SAP130: variants seen among roughly 807,000 people sequenced by gnomAD.
SAP130 encodes Sin3A associated protein 130.
Under a neutral mutation model 103.2 loss-of-function variants are expected in SAP130, and 16 were observed. The observed-to-expected ratio is 0.16, with a 90% CI of 0.10 to 0.24. The LOEUF (loss-of-function observed/expected upper bound fraction) is 0.24. SAP130 is among the 10% of genes least tolerant of loss of function. The pLI is 1.00. For missense variants in SAP130, 990 were observed against 1,359.7 expected, an observed-to-expected ratio of 0.73 and a Z score of 4.28; for synonymous variants, 477 against 497.0, an observed-to-expected ratio of 0.96 and a Z score of 0.53.
Position 127,955,233 on chromosome 2 carries a change from A to G in SAP130, c.2175T>C (p.Thr725=), listed in dbSNP as rs1679754766. 8 of 1,614,078 alleles carry G rather than the reference A, an allele frequency of 5.0e-6. No individual in the cohort carries two copies. Among genetic ancestry groups the G allele is most frequent in the Non-Finnish European group, 6.8e-6 (8 of 1,179,996 alleles). Residue 725 remains threonine (T), a synonymous_variant, in exon 16 of 21, where the codon ACT becomes ACC. Transcript: ENST00000643581. This position sits in a 1 kb window ranked among gnomAD's most constrained non-coding sequence, Gnocchi z 4.9. ...NDQPTIAVPP[T]AQQPPPTIPT... is the part of the protein sequence containing the mutation. The stretch of plus-strand genomic sequence containing the variant: ...GAATGGTCGGTGGGGGCTGCTGGGC[A>G]GTTGGAGGGACGGCAATGGTAGGCT...
intron 2 of SAP130, among the ~76,000 whole-genome samples, chr2:128,019,331 G>A (rs1188001628): frequency 6.6e-6 from 1 of 152,140 alleles, no homozygotes; most frequent in East Asian, 1.9e-4. Flanking sequence ...CGAAGTCACA[G>A]GATATCAGCT....
intron 16 of SAP130, among the ~76,000 whole-genome samples, chr2:127,951,950 T>C (rs1679523045): frequency 6.6e-6 from 1 of 152,200 alleles, no homozygotes; most frequent in East Asian, 1.9e-4. Flanking sequence ...CCCACCACCT[T>C]ATCTCCCCAT....
intron 15 of SAP130, among the ~76,000 whole-genome samples, chr2:127,966,133 G>C (rs1173560327): frequency 6.6e-6 from 1 of 150,596 alleles, no homozygotes; most frequent in Non-Finnish European, 1.5e-5. Context: ...ACAAGGTCAG[G>C]AGTTCAAGAC....
At position 127,989,046 on chromosome 2, in the gene SAP130, G is replaced by A. The variant is rs142538837; in HGVS notation, c.1780+518C>T. ...CCCACAACTAGGAGCTTTTAAAAAA[G>A]ATAACACTTCTCATTATGTTCAAAT... On this transcript the variant is annotated intron_variant, in intron 13 of 20. Transcript: ENST00000643581. The surrounding 1 kb of genome is among the most constrained non-coding windows in gnomAD (Gnocchi z 4.6). 1.3e-5 allele frequency among the ~76,000 whole-genome samples: 2 copies of A among 151,682 alleles called. No individual in the cohort carries two copies. Among genetic ancestry groups the A allele is most frequent in the South Asian group, 2.1e-4 (1 of 4,794 alleles).
At chr2:127,944,504 A>G (rs1678931780) in intron 19 of SAP130, among the ~76,000 whole-genome samples, 1 of 151,312 alleles carries the variant, frequency 6.6e-6, no homozygotes, top group Non-Finnish European at 1.5e-5. Context: ...ATCTCTGCTC[A>G]CTGCAACCTC....
intron 19 of SAP130, among the ~76,000 whole-genome samples, chr2:127,944,285 C>T (rs1159882099): frequency 6.6e-6 from 1 of 152,050 alleles, no homozygotes; most frequent in Non-Finnish European, 1.5e-5. Context: ...ATCCTCTTGC[C>T]CCAGCCTTCC....
intron 7 of SAP130, among the ~76,000 whole-genome samples, chr2:128,000,876 G>C (rs1350900794): frequency 6.6e-6 from 1 of 152,010 alleles, no homozygotes. Context: ...CTCCAGCCTG[G>C]GGGACAGAGT....
At chr2:128,018,151 C>G (rs1684904027) in intron 2 of SAP130, among the ~76,000 whole-genome samples, 1 of 152,048 alleles carries the variant, frequency 6.6e-6, no homozygotes, top group South Asian at 2.1e-4. Context: ...TATGAACAAA[C>G]TACCTGAAAA....
chr2:127,981,563 ACT>A (rs1400414415), intron 14 of SAP130, among the ~76,000 whole-genome samples: 1 of 48,634 alleles, frequency 2.1e-5, no homozygotes, highest in Non-Finnish European at 3.7e-5. Context: ...TGCACCCCTG[ACT>A]CAGCTCCCCC....
intron 15 of SAP130, among the ~76,000 whole-genome samples, chr2:127,967,292 G>T (rs983227931): frequency 8.5e-5 from 13 of 152,208 alleles, no homozygotes; most frequent in Admixed American, 7.9e-4. Context: ...AAAAGAAACA[G>T]CAATTATAAA....
chr2:127,952,375 C>G (rs994773080), intron 16 of SAP130, among the ~76,000 whole-genome samples: 3 of 150,676 alleles, frequency 2.0e-5, no homozygotes, highest in Non-Finnish European at 4.4e-5. Flanking sequence ...TGCTTGAAAC[C>G]AGAAGGCAGA....
At position 127,989,260 on chromosome 2, in the gene SAP130, G is replaced by A. The variant is rs1399891070; in HGVS notation, c.1780+304C>T. 6.6e-6 allele frequency among the ~76,000 whole-genome samples: 1 copy of A among 151,732 alleles called. No homozygotes were observed. Among genetic ancestry groups the A allele is most frequent in the African/African-American group, 2.4e-5 (1 of 41,292 alleles). On this transcript the variant is annotated intron_variant, in intron 13 of 20. Coordinates refer to ENST00000643581, the MANE Select transcript of SAP130 (RefSeq NM_001330301.2). This position sits in a 1 kb window ranked among gnomAD's most constrained non-coding sequence, Gnocchi z 4.6. ...ACTACAGGCCCCCGCCACCACGCCTGGCTAATTTTTTTGTATTTTTAGTAG... is the reference window on the plus strand; with the variant it reads ...ACTACAGGCCCCCGCCACCACGCCTAGCTAATTTTTTTGTATTTTTAGTAG...
chr2:128,025,003 C>CAAAAAAA (rs35797540), intron 2 of SAP130, among the ~76,000 whole-genome samples: 1 of 100,232 alleles, frequency 1.0e-5, no homozygotes, highest in Non-Finnish European at 2.1e-5. Flanking sequence ...CCCTATTGCG[C>CAAAAAAA]AAAAAAAAAA....
rs190512253 is a variant in SAP130 at position 128,003,174 on chromosome 2, A to G, written c.870-2720T>C. Among the ~76,000 whole-genome samples, 690 of 151,756 alleles carry G rather than the reference A, an allele frequency of 4.5e-3. 6 individuals are homozygous for G. Among genetic ancestry groups the G allele is most frequent in the African/African-American group, 0.016 (648 of 41,484 alleles). The stretch of plus-strand genomic sequence containing the variant: ...AGCAAAAAGGGGTTCTCACTAGCCC[A>G]ATTTGGGGCACTGGGAGCAAAAGAA... On this transcript the variant is annotated intron_variant, in intron 7 of 20. Transcript: ENST00000643581.
intron 15 of SAP130, among the ~76,000 whole-genome samples, chr2:127,976,650 G>A (rs1301075416): frequency 6.6e-6 from 1 of 152,228 alleles, no homozygotes; most frequent in Non-Finnish European, 1.5e-5. Flanking sequence ...GGTGGCTCAC[G>A]CCTGTAATCC....
intron 14 of SAP130, among the ~76,000 whole-genome samples, chr2:127,980,854 G>A (rs957530367): frequency 1.3e-5 from 2 of 151,566 alleles, no homozygotes; most frequent in South Asian, 2.1e-4. Flanking sequence ...CTGTGATCGC[G>A]CCACCACAGT....
At chr2:127,965,218 A>T (rs1274300005) in intron 15 of SAP130, among the ~76,000 whole-genome samples, 18 of 151,636 alleles carry the variant, frequency 1.2e-4, no homozygotes, top group Non-Finnish European at 4.4e-5. Flanking sequence ...AATCGCTTGA[A>T]CCTGGGAGGC....
At chr2:128,010,670 G>GAA (rs897337304) in intron 6 of SAP130, among the ~76,000 whole-genome samples, 4 of 152,062 alleles carry the variant, frequency 2.6e-5, no homozygotes, top group Admixed American at 2.6e-4. Flanking sequence ...AGACCAGCCT[G>GAA]GCTAACACAG....
At chr2:128,023,607 G>A (rs980103505) in intron 2 of SAP130, among the ~76,000 whole-genome samples, 2 of 152,002 alleles carry the variant, frequency 1.3e-5, no homozygotes, top group South Asian at 2.1e-4. Flanking sequence ...GTGAAACACC[G>A]TCTCTACTAA....
Sources: allele counts gnomAD v4.1 joint callset (sites outside exome capture counted in the v4.1 genomes callset), GRCh38; gene constraint gnomAD v4.1.1; non-coding constraint Gnocchi (gnomAD v3.1); transcripts MANE v1.5; gene names NCBI Gene and HGNC (gene_info 2026-07-23, HGNC 2026-07-21).